MYO1F: variants seen among roughly 807,000 people sequenced by gnomAD.
MYO1F encodes myosin IF.
MYO1F carries 60 observed loss-of-function variants against 146.6 expected under a neutral mutation model. The ratio of observed to expected loss-of-function variants is 0.41; its 90% CI spans 0.33 to 0.51. The LOEUF (loss-of-function observed/expected upper bound fraction) is 0.51. MYO1F is among the 20% of genes least tolerant of loss of function. The pLI, the probability that MYO1F is intolerant of heterozygous loss-of-function variation, is 0.25. For synonymous variants in MYO1F, 602 were observed against 602.1 expected (o/e 1.00, Z 0.00); for missense variants, 1,274 against 1,534.3 (o/e 0.83, Z 2.83).
intron 24 of MYO1F, 42 bp from the exon 25 acceptor site, chr19:8,525,604 C>A: frequency 6.5e-7 from 1 of 1,536,738 alleles, no homozygotes; most frequent in Non-Finnish European, 9.0e-7. Context: ...AGACAGACCA[C>A]GCTCTTTGCC....
chr19:8,575,548 T>C (rs1352644237), intron 1 of MYO1F, among the ~76,000 whole-genome samples: 2 of 151,744 alleles, frequency 1.3e-5, no homozygotes, highest in African/African-American at 4.8e-5. Context: ...ATAGGGCTCA[T>C]GGTTTCTAAC....
chr19:8,549,946 G>A (rs1469628764), intron 10 of MYO1F: 2 of 626,754 alleles, frequency 3.2e-6, no homozygotes, highest in Non-Finnish European at 5.7e-6. Context: ...AACTACACAT[G>A]CACACCACTA....
At chr19:8,551,243 G>A (rs1417466061) in intron 8 of MYO1F, among the ~76,000 whole-genome samples, 2 of 151,956 alleles carry the variant, frequency 1.3e-5, no homozygotes, top group East Asian at 3.9e-4. Context: ...ATAAAGATGG[G>A]GTTTCACTAT....
chr19:8,574,390 A>G (rs1202762193), intron 1 of MYO1F, among the ~76,000 whole-genome samples: 1 of 152,224 alleles, frequency 6.6e-6, no homozygotes. Context: ...GATCAAGTGC[A>G]TGTTATGTGC....
rs775743787 is a variant in MYO1F at position 8,554,752 on chromosome 19, T to C, written c.142-9A>G. Reference sequence around the variant, plus strand: ...ACAGAGCCGATGTAGGTCTGAGGGATGGTTAAGGGTCGTGTGGTGTCCTGG... The same window carrying C: ...ACAGAGCCGATGTAGGTCTGAGGGACGGTTAAGGGTCGTGTGGTGTCCTGG... On this transcript the variant is annotated splice_polypyrimidine_tract_variant and intron_variant, in intron 2 of 27. Transcript: ENST00000644032. 1.2e-6 allele frequency: 2 copies of C among 1,613,450 alleles called. No homozygotes were observed. The highest frequency in any genetic ancestry group is 2.2e-5 in the South Asian group (2 of 91,076).
At chr19:8,572,591 CT>C (rs1568379062) in intron 1 of MYO1F, among the ~76,000 whole-genome samples, 1 of 152,036 alleles carries the variant, frequency 6.6e-6, no homozygotes, top group Admixed American at 6.6e-5. Context: ...TTAACTGATT[CT>C]TTCTCCTAAA....
Position 8,526,488 on chromosome 19 carries a change from G to A in MYO1F, c.2735C>T (p.Thr912Met), listed in dbSNP as rs375507542. Residue 912 changes from threonine (T) to methionine (M), a missense_variant, in exon 24 of 28, where the codon ACG becomes ATG. Coordinates refer to ENST00000644032, the MANE Select transcript of MYO1F (RefSeq NM_012335.4). ...GGGCAGCCCATCGCCCACGCTGACC[G>A]TGAGGGTCCGACCGCCAACCTTGAG... ...AVLKVGGRTLTVSVGDGLPKS... is the reference protein window; with the variant it reads ...AVLKVGGRTLMVSVGDGLPKS... 2 of 1,568,758 alleles carry A rather than the reference G, an allele frequency of 1.3e-6. No individual in the cohort carries two copies. The highest frequency in any genetic ancestry group is 1.3e-5 in the African/African-American group (1 of 74,450).
At chr19:8,537,273 TG>T (rs1454334094) in intron 16 of MYO1F, among the ~76,000 whole-genome samples, 1 of 152,084 alleles carries the variant, frequency 6.6e-6, no homozygotes, top group Non-Finnish European at 1.5e-5. Context: ...TGCCTGACCC[TG>T]GAACCCAAGA....
chr19:8,575,818 GGGA>G (rs2035437688), intron 1 of MYO1F, among the ~76,000 whole-genome samples: 1 of 152,096 alleles, frequency 6.6e-6, no homozygotes, highest in Admixed American at 6.6e-5. Context: ...GGCTTCCTTG[GGGA>G]GGGGTTGCCT....
At chr19:8,535,287 T>C (rs558515732) in intron 19 of MYO1F, among the ~76,000 whole-genome samples, 2 of 152,324 alleles carry the variant, frequency 1.3e-5, no homozygotes, top group African/African-American at 2.4e-5. Flanking sequence ...GATGTTCTTA[T>C]AGGATTTTAC....
At chr19:8,539,595 C>CA (rs57563221) in intron 16 of MYO1F, among the ~76,000 whole-genome samples, 45,668 of 143,496 alleles carry the variant, frequency 0.32, 10,787 homozygotes, top group African/African-American at 0.66. Flanking sequence ...GACTCTGTCT[C>CA]AAAAAAAAAA....
At chr19:8,523,204 T>A (rs577918202) in intron 25 of MYO1F, among the ~76,000 whole-genome samples, 21 of 152,030 alleles carry the variant, frequency 1.4e-4, no homozygotes, top group African/African-American at 4.6e-4. Flanking sequence ...GATAATTTTT[T>A]AAATATTTTT....
intron 13 of MYO1F, 106 bp from the exon 14 acceptor site, chr19:8,544,570 G>T: frequency 2.0e-6 from 2 of 1,012,960 alleles, no homozygotes; most frequent in South Asian, 1.4e-5. Context: ...GGAGTGGAGG[G>T]AGCTAGAGCT....
chr19:8,555,129 G>A (rs535577176), intron 2 of MYO1F, among the ~76,000 whole-genome samples: 4 of 151,714 alleles, frequency 2.6e-5, no homozygotes, highest in Non-Finnish European at 4.4e-5. Context: ...AGGTTGCAGC[G>A]AGCTATCGTG....
In MYO1F at chr19:8,542,043, G is replaced by C. The variant is rs1019306028; in HGVS notation, c.1525-52C>G. 10 of 1,441,336 alleles carry C rather than the reference G, an allele frequency of 6.9e-6. No homozygotes were observed. In the African/African-American group the frequency reaches 1.1e-4, roughly 16 times the overall value. The allele number at this position is 1,441,336 out of a possible 1,614,324, so 89.3% of individuals were successfully genotyped here. ...GAGGGACTGAGAAACCTGGCTGGGAGGGTGGGCGTGGGGTGCTTACAGCCC... is the reference window on the plus strand; with the variant it reads ...GAGGGACTGAGAAACCTGGCTGGGACGGTGGGCGTGGGGTGCTTACAGCCC... On this transcript the variant is annotated intron_variant, in intron 14 of 27. Coordinates refer to ENST00000644032, the MANE Select transcript of MYO1F (RefSeq NM_012335.4).
Position 8,552,127 on chromosome 19 carries a change from T to G in MYO1F, c.542A>C (p.Glu181Ala), listed in dbSNP as rs904340554. Residue 181 changes from glutamate to alanine, a missense_variant, in exon 7 of 28, where the codon GAG (glutamate) becomes GCG (alanine). By Grantham distance (107) the Glu-to-Ala change is moderately radical (BLOSUM62 -1). This residue lies in a region of MYO1F where 900 missense variants were observed against 1,155.1 expected (regional missense o/e 0.78). Transcript: ENST00000644032. ...GTTGGAGATCTTGCCCCCATCTGGC[T>G]CCCCACCTCGGCTGAACTGGATCTC... ...YFEIQFSRGG[E>A]PDGGKISNFL... is the part of the protein sequence containing the mutation. 26 of 1,613,920 alleles carry G rather than the reference T, an allele frequency of 1.6e-5. No individual in the cohort carries two copies. Among genetic ancestry groups the G allele is most frequent in the Non-Finnish European group, 2.1e-5 (25 of 1,180,018 alleles).
In MYO1F at chr19:8,530,661, A is replaced by G. The variant is rs1972449609; in HGVS notation, c.2044-88T>C. 2.8e-6 allele frequency: 3 copies of G among 1,073,334 alleles called. No homozygotes were observed. The highest frequency in any genetic ancestry group is 1.7e-5 in the Admixed American group (1 of 57,724). The allele number at this position is 1,073,334 out of a possible 1,614,324, so 66.5% of individuals were successfully genotyped here. A position where few individuals can be genotyped will look rare whatever the true frequency, so the allele number is the denominator to read the frequency against. On this transcript the variant is annotated intron_variant, in intron 19 of 27. Transcript: ENST00000644032. This position sits in a 1 kb window ranked among gnomAD's most constrained non-coding sequence, Gnocchi z 5.8. ...GGTTTTCCCTGCGCTCACCCTACTC[A>G]CACGCTTTTGCTCACCCATCCCCAC...
chr19:8,568,126 G>A lies in MYO1F; in HGVS notation c.3+9181C>T, dbSNP rs142434219. Among the ~76,000 whole-genome samples the A allele has an allele frequency of 8.4e-3, 1,283 of 152,192 alleles. 24 individuals are homozygous for A. The highest frequency in any genetic ancestry group is 0.029 in the African/African-American group (1,215 of 41,550). ...CAGACACTCCATGCTCCAGCCACCT[G>A]TAAAATCACAGGCTGGGCCGGGCAC... On this transcript the variant is annotated intron_variant, in intron 1 of 27. Transcript: ENST00000644032.
chr19:8,574,591 C>CTCTCTCTCTCTCTT (rs2042182785), intron 1 of MYO1F, among the ~76,000 whole-genome samples: 4 of 84,048 alleles, frequency 4.8e-5, no homozygotes, highest in Admixed American at 2.2e-4. Context: ...CTCTCTCTCT[C>CTCTCTCTCTCTCTT]TCTCTCTTTC....
Sources: allele counts gnomAD v4.1 joint callset (sites outside exome capture counted in the v4.1 genomes callset), GRCh38; gene constraint gnomAD v4.1.1; regional missense constraint gnomAD v4.1.1; non-coding constraint Gnocchi (gnomAD v3.1); transcripts MANE v1.5; gene names NCBI Gene and HGNC (gene_info 2026-07-23, HGNC 2026-07-21).